The following CDH13 variants were observed in gnomAD, a reference collection of about 807,000 sequenced individuals.
CDH13 encodes cadherin-13.
In CDH13, 24 loss-of-function variants were observed where a neutral mutation model predicts 63.8. The observed-to-expected ratio is 0.38, with a 90% CI of 0.27 to 0.53. CDH13 has a LOEUF of 0.53. Among genes scored for constraint, CDH13 ranks in the 20% least tolerant of loss-of-function variants. CDH13 has a pLI of 0.85. For synonymous variants in CDH13, 503 were observed against 355.3 expected (o/e 1.42, Z -4.67); for missense variants, 1,049 against 903.1 (o/e 1.16, Z -2.07).
chr16:83,340,782 C>G (rs1330282399), intron 5 of CDH13, among the ~76,000 whole-genome samples: 1 of 152,152 alleles, frequency 6.6e-6, no homozygotes. Context: ...TTCAGGCTAC[C>G]TACTATGGAA....
At chr16:83,306,070 A>G (rs984009) in intron 5 of CDH13, among the ~76,000 whole-genome samples, 81,928 of 151,756 alleles carry the variant, frequency 0.54, 22,167 homozygotes, top group Non-Finnish European at 0.55. Flanking sequence ...GGGTGTAGAT[A>G]CCTGTAGCAT....
At chr16:82,924,520 C>A (rs1316930509) in intron 2 of CDH13, among the ~76,000 whole-genome samples, 1 of 152,122 alleles carries the variant, frequency 6.6e-6, no homozygotes, top group Non-Finnish European at 1.5e-5. Context: ...TTCTGCACTG[C>A]CGCTTGTTAC....
chr16:82,775,043 C>T (rs951456515), intron 1 of CDH13, among the ~76,000 whole-genome samples: 1 of 152,154 alleles, frequency 6.6e-6, no homozygotes, highest in Non-Finnish European at 1.5e-5. Flanking sequence ...AATCCTCCCA[C>T]GTGCTGGAAG....
intron 7 of CDH13, among the ~76,000 whole-genome samples, chr16:83,539,433 T>C (rs2075258697): frequency 6.6e-6 from 1 of 152,130 alleles, no homozygotes; most frequent in Non-Finnish European, 1.5e-5. Flanking sequence ...CCAGCACTGG[T>C]GTGTAGCCAG....
At chr16:82,961,225 A>T (rs1445311925) in intron 2 of CDH13, among the ~76,000 whole-genome samples, 1 of 152,160 alleles carries the variant, frequency 6.6e-6, no homozygotes, top group Non-Finnish European at 1.5e-5. Context: ...TCCCACCACA[A>T]GTCAATGAGG....
At chr16:83,629,720 T>C (rs1367988938) in intron 8 of CDH13, among the ~76,000 whole-genome samples, 1 of 152,184 alleles carries the variant, frequency 6.6e-6, no homozygotes, top group Non-Finnish European at 1.5e-5. Flanking sequence ...TGGACTAATA[T>C]CCTCGACACA....
At chr16:82,822,929 G>A (rs773845001) in intron 1 of CDH13, among the ~76,000 whole-genome samples, 3 of 152,276 alleles carry the variant, frequency 2.0e-5, no homozygotes, top group African/African-American at 4.8e-5. Context: ...GTCAGTGGCC[G>A]AGGCTGGAGT....
chr16:83,747,112 T>C (rs1912654311), intron 10 of CDH13, among the ~76,000 whole-genome samples: 1 of 152,210 alleles, frequency 6.6e-6, no homozygotes, highest in African/African-American at 2.4e-5. Flanking sequence ...GTGTCGCATA[T>C]GGGCTAAGCA....
At chr16:82,688,813 A>AT (rs776123591) in intron 1 of CDH13, 2 of 152,172 alleles carry the variant, frequency 1.3e-5, no homozygotes, top group Non-Finnish European at 2.9e-5. Flanking sequence ...TGGGTTGGTG[A>AT]TTTGGTCACC....
intron 5 of CDH13, among the ~76,000 whole-genome samples, chr16:83,247,763 G>C (rs8055902): frequency 4.6e-5 from 7 of 152,082 alleles, no homozygotes; most frequent in Admixed American, 2.6e-4. Flanking sequence ...AATCCTTTCA[G>C]TGGACAAACC....
intron 5 of CDH13, among the ~76,000 whole-genome samples, chr16:83,310,381 C>G (rs982876448): frequency 6.6e-6 from 1 of 152,148 alleles, no homozygotes; most frequent in Non-Finnish European, 1.5e-5. Context: ...TAGTAAAGAT[C>G]TGAAAATTCT....
chr16:83,366,435 C>T (rs1008981235), intron 6 of CDH13, among the ~76,000 whole-genome samples: 29 of 152,164 alleles, frequency 1.9e-4, no homozygotes, highest in African/African-American at 7.0e-4. Flanking sequence ...GTGCGAGTCC[C>T]CAGCCCACTC....
At chr16:82,965,077 C>G (rs2151352850) in intron 2 of CDH13, among the ~76,000 whole-genome samples, 1 of 152,320 alleles carries the variant, frequency 6.6e-6, no homozygotes. Context: ...AGTAGCTCCC[C>G]TTTCTTCAAA....
At chr16:82,710,227 A>G (rs2031805838) in intron 1 of CDH13, among the ~76,000 whole-genome samples, 1 of 146,594 alleles carries the variant, frequency 6.8e-6, no homozygotes, top group African/African-American at 2.5e-5. Context: ...ATTTATATTC[A>G]TAAATTTATA....
intron 4 of CDH13, among the ~76,000 whole-genome samples, chr16:83,209,485 G>A (rs2039277732): frequency 6.6e-6 from 1 of 152,162 alleles, no homozygotes; most frequent in Non-Finnish European, 1.5e-5. Context: ...ATAAAGGTCT[G>A]AAAATGTGTC....
intron 8 of CDH13, among the ~76,000 whole-genome samples, chr16:83,648,154 G>T (rs889923730): frequency 6.6e-6 from 1 of 152,240 alleles, no homozygotes; most frequent in East Asian, 1.9e-4. Context: ...ACCTTGGAAG[G>T]ACCAAGGTAT....
At chr16:83,144,591 C>T (rs116381520) in intron 4 of CDH13, among the ~76,000 whole-genome samples, 3,693 of 152,272 alleles carry the variant, frequency 0.024, 135 homozygotes, top group African/African-American at 0.083. Context: ...AATAGCTATT[C>T]CTGGAGGTGT....
intron 2 of CDH13, among the ~76,000 whole-genome samples, chr16:83,009,026 A>G (rs1913843730): frequency 6.6e-6 from 1 of 152,224 alleles, no homozygotes; most frequent in Non-Finnish European, 1.5e-5. Flanking sequence ...CACTATCATG[A>G]CAACAGCATG....
rs190336506 is a variant in CDH13 at position 83,548,098 on chromosome 16, G to C, written c.961-54356G>C. 2.8e-3 allele frequency among the ~76,000 whole-genome samples: 226 copies of C among 79,514 alleles called. 2 individuals are homozygous for C. Among genetic ancestry groups the C allele is most frequent in the East Asian group, 8.3e-3 (26 of 3,120 alleles). 52.2% of individuals were successfully genotyped at this position (79,514 alleles called of 152,430 possible). A position where few individuals can be genotyped will look rare whatever the true frequency, so the allele number is the denominator to read the frequency against. On this transcript the variant is annotated intron_variant, in intron 7 of 13. Transcript: ENST00000567109. ...CTGCCAGATAGATTGGAGCAGGAAG[G>C]GGGGGATGGGAAGCTAGCCAAGAGC... is the stretch of plus-strand genomic sequence containing the variant.
Sources: gnomAD v4.1 joint callset for allele counts (sites outside exome capture counted in the v4.1 genomes callset) on GRCh38, gnomAD v4.1.1 for gene constraint, MANE v1.5 for transcripts, NCBI Gene and HGNC (gene_info 2026-07-23, HGNC 2026-07-21) for gene names.